Variants in CNTN4 observed in about 807,000 individuals in gnomAD.
CNTN4 encodes the protein contactin-4.
A neutral mutation model predicts 122.5 loss-of-function variants in CNTN4; 77 were observed. That is an observed-to-expected ratio of 0.63 (90% CI 0.52 to 0.76). The LOEUF is 0.76. Among genes scored for constraint, CNTN4 ranks in the 30% least tolerant of loss-of-function variants. CNTN4 has a pLI of 0.00. For synonymous variants in CNTN4, 512 were observed against 447.0 expected, an observed-to-expected ratio of 1.15 and a Z score of -1.83; for missense variants, 1,256 against 1,259.1, an observed-to-expected ratio of 1.00 and a Z score of 0.04.
At chr3:2,492,965 T>C (rs2076358557) in intron 3 of CNTN4, among the ~76,000 whole-genome samples, 1 of 152,174 alleles carries the variant, frequency 6.6e-6, no homozygotes, top group Non-Finnish European at 1.5e-5. Context: ...ATAAAAAAAT[T>C]GATTTTCCTG....
At chr3:2,467,379 A>G (rs1478741656) in intron 3 of CNTN4, among the ~76,000 whole-genome samples, 1 of 152,194 alleles carries the variant, frequency 6.6e-6, no homozygotes, top group Non-Finnish European at 1.5e-5. Context: ...TATTAACTCT[A>G]CTTCCCAACT....
chr3:2,292,356 T>G (rs2042165163), intron 2 of CNTN4, among the ~76,000 whole-genome samples: 1 of 152,236 alleles, frequency 6.6e-6, no homozygotes, highest in Admixed American at 6.5e-5. Flanking sequence ...AAACATGTAT[T>G]AGGTACCCCA....
intron 6 of CNTN4, among the ~76,000 whole-genome samples, chr3:2,797,709 C>T (rs1164425372): frequency 6.6e-6 from 1 of 152,110 alleles, no homozygotes; most frequent in Non-Finnish European, 1.5e-5. Flanking sequence ...ACTGAATCTC[C>T]AAGAGTTCAA....
At chr3:2,935,633 A>G (rs2094561162) in intron 13 of CNTN4, among the ~76,000 whole-genome samples, 4 of 152,076 alleles carry the variant, frequency 2.6e-5, no homozygotes, top group South Asian at 4.1e-4. Context: ...AAGGTTCTAC[A>G]TGTGTCACGG....
chr3:2,153,625 GAGCGCGA>G (rs2035587728), intron 2 of CNTN4, among the ~76,000 whole-genome samples: 1 of 152,164 alleles, frequency 6.6e-6, no homozygotes, highest in Non-Finnish European at 1.5e-5. Context: ...CTCACAAAAG[GAGCGCGA>G]AACCATGGTA....
intron 2 of CNTN4, among the ~76,000 whole-genome samples, chr3:2,191,813 T>G (rs184376166): frequency 6.6e-6 from 1 of 152,154 alleles, no homozygotes; most frequent in Non-Finnish European, 1.5e-5. Context: ...ATGTGCCATG[T>G]TGGTGTGCTG....
chr3:2,374,584 G>A (rs2150696080), intron 3 of CNTN4, among the ~76,000 whole-genome samples: 1 of 152,138 alleles, frequency 6.6e-6, no homozygotes, highest in African/African-American at 2.4e-5. Context: ...GTGTGAAGTA[G>A]GGACATCATG....
chr3:2,311,437 C>A (rs1145051), intron 2 of CNTN4, among the ~76,000 whole-genome samples: 11,828 of 151,978 alleles, frequency 0.078, 521 homozygotes, highest in African/African-American at 0.1. Flanking sequence ...ATAAAGAAAC[C>A]TTCCACTGAT....
rs141072582 is a variant in CNTN4, at chr3:2,171,922, A to G, written c.-145+71283A>G. Among the ~76,000 whole-genome samples, 520 of 152,302 alleles carry G rather than the reference A, an allele frequency of 3.4e-3. 5 individuals carry two copies. The highest frequency in any genetic ancestry group is 0.012 in the African/African-American group (496 of 41,580). The stretch of plus-strand genomic sequence containing the variant: ...ATTGGTCCTTGGAACAGGAGCACCT[A>G]GGAACTTGTTAGAAACAGAAAGTCT... On this transcript the variant is annotated intron_variant, in intron 2 of 24. Transcript: ENST00000418658.
At chr3:2,614,632 T>G (rs144883317) in intron 4 of CNTN4, among the ~76,000 whole-genome samples, 95 of 152,306 alleles carry the variant, frequency 6.2e-4, no homozygotes, top group African/African-American at 2.1e-3. Flanking sequence ...ACTTCTGGCT[T>G]GAGCTACGGC....
rs144416578 is a variant in CNTN4 at position 2,147,454 on chromosome 3, C to T, written c.-145+46815C>T. 8.0e-3 allele frequency among the ~76,000 whole-genome samples: 1,211 copies of T among 152,174 alleles called. 5 individuals carry two copies. Among genetic ancestry groups the T allele is most frequent in the Non-Finnish European group, 0.013 (871 of 68,000 alleles). ...GAAGCCAGACCAGAAGCTAGGGGCT[C>T]GTTAATTTTTATGTATCATCAATGG... On this transcript the variant is annotated intron_variant, in intron 2 of 24. Coordinates refer to ENST00000418658, the MANE Select transcript of CNTN4 (RefSeq NM_175607.3).
chr3:2,618,581 G>T (rs1374551083), intron 4 of CNTN4, among the ~76,000 whole-genome samples: 1 of 152,084 alleles, frequency 6.6e-6, no homozygotes, highest in Non-Finnish European at 1.5e-5. Flanking sequence ...CTAAGAAACT[G>T]AGCCTCATAA....
intron 2 of CNTN4, among the ~76,000 whole-genome samples, chr3:2,322,135 T>C (rs1458863100): frequency 6.6e-6 from 1 of 152,214 alleles, no homozygotes; most frequent in East Asian, 1.9e-4. Flanking sequence ...TAGATTACTC[T>C]ATCTATTTTG....
chr3:2,920,958 A>G (rs775762907), intron 12 of CNTN4, among the ~76,000 whole-genome samples: 45 of 152,206 alleles, frequency 3.0e-4, no homozygotes, highest in Non-Finnish European at 4.6e-4. Context: ...GGGGCACATC[A>G]TGCTAACATC....
chr3:2,644,619 A>C (rs1379982487), intron 4 of CNTN4, among the ~76,000 whole-genome samples: 2 of 151,272 alleles, frequency 1.3e-5, no homozygotes, highest in East Asian at 3.9e-4. Flanking sequence ...CTATAGAAGA[A>C]CTGGATTTCC....
At chr3:2,918,877 A>G (rs2094397525) in intron 12 of CNTN4, among the ~76,000 whole-genome samples, 1 of 152,232 alleles carries the variant, frequency 6.6e-6, no homozygotes, top group Non-Finnish European at 1.5e-5. Flanking sequence ...AAAGAGATGT[A>G]GTGTTCAGGC....
intron 7 of CNTN4, among the ~76,000 whole-genome samples, chr3:2,863,610 TA>T (rs1428119808): frequency 6.6e-6 from 1 of 152,124 alleles, no homozygotes; most frequent in Admixed American, 6.5e-5. Flanking sequence ...TAATAATCCG[TA>T]TATTTTACTT....
intron 23 of CNTN4, among the ~76,000 whole-genome samples, 182 bp downstream of exon 23, chr3:3,043,886 G>C (rs528430556): frequency 6.6e-6 from 1 of 152,214 alleles, no homozygotes; most frequent in Admixed American, 6.5e-5. Flanking sequence ...CAATTGGTCA[G>C]GATTTAGACA....
At chr3:2,112,623 A>C (rs1342695775) in intron 2 of CNTN4, among the ~76,000 whole-genome samples, 1 of 152,240 alleles carries the variant, frequency 6.6e-6, no homozygotes, top group Admixed American at 6.5e-5. Context: ...ATTGTATGGG[A>C]TTCAAAGAAT....
Sources: gnomAD v4.1 joint callset for allele counts (sites outside exome capture counted in the v4.1 genomes callset) on GRCh38, gnomAD v4.1.1 for gene constraint, MANE v1.5 for transcripts, NCBI Gene and HGNC (gene_info 2026-07-23, HGNC 2026-07-21) for gene names.